The following RAB9A variants were observed in gnomAD, a reference collection of about 807,000 sequenced individuals.
The protein encoded by RAB9A is ras-related protein Rab-9A.
Under a neutral mutation model 10.3 loss-of-function variants are expected in RAB9A, and 1 was observed. The ratio of observed to expected loss-of-function variants is 0.10; its 90% CI spans 0.03 to 0.46. The LOEUF (loss-of-function observed/expected upper bound fraction) is 0.46, where lower values mean the gene tolerates loss of function less well. Ranked by LOEUF, RAB9A falls within the 20% of genes least tolerant of loss-of-function variation. The pLI is 0.96. For synonymous variants in RAB9A, 39 were observed against 55.2 expected (o/e 0.71, Z 1.30); for missense variants, 92 against 150.3 (o/e 0.61, Z 2.03).
At chrX:13,691,514 G>A (rs1028241716) in intron 1 of RAB9A, among the ~76,000 whole-genome samples, 2 of 109,712 alleles carry the variant, frequency 1.8e-5, no homozygotes, top group African/African-American at 3.3e-5. Context: ...ACAAAAATTA[G>A]CCAGGCGTGG....
intron 1 of RAB9A, among the ~76,000 whole-genome samples, chrX:13,690,354 A>G (rs771488675): frequency 7.4e-4 from 83 of 112,432 alleles, no homozygotes; most frequent in African/African-American, 2.5e-3. Flanking sequence ...TAAATCTAAG[A>G]CAATGCTGTG....
intron 1 of RAB9A, among the ~76,000 whole-genome samples, chrX:13,691,153 G>GC (rs60021810): frequency 2.7e-5 from 3 of 111,211 alleles, no homozygotes; most frequent in African/African-American, 9.8e-5. Context: ...CTACAGGACA[G>GC]CCCCCCACAA....
At position 13,701,252 on chromosome X, in the gene RAB9A, A is replaced by G. The variant is rs781504879; in HGVS notation, c.-115-2562A>G. ...CCCCCCGCCCCATCCGTTGACAACC[A>G]TGAATCTACCATCTCCATATTTGCC... On this transcript the variant is annotated intron_variant, in intron 1 of 2. Coordinates refer to ENST00000464506, the MANE Select transcript of RAB9A (RefSeq NM_004251.5). 3.8e-4 allele frequency among the ~76,000 whole-genome samples: 41 copies of G among 107,486 alleles called. 1 individual carries two copies. Among genetic ancestry groups the G allele is most frequent in the African/African-American group, 1.4e-3 (40 of 29,234 alleles). The allele number at this position is 107,486 out of a possible 115,157, so 93.3% of individuals were successfully genotyped here.
chrX:13,700,246 G>C (rs1168396612), intron 1 of RAB9A, among the ~76,000 whole-genome samples: 1 of 111,732 alleles, frequency 8.9e-6, no homozygotes, highest in Non-Finnish European at 1.9e-5. Flanking sequence ...CACCGTGCGT[G>C]GCCAGCAGAT....
chrX:13,693,174 A>G (rs867829475), intron 1 of RAB9A, among the ~76,000 whole-genome samples: 9 of 51,414 alleles, frequency 1.8e-4, no homozygotes, highest in Admixed American at 7.7e-4. Flanking sequence ...TGCCCAGGCA[A>G]TGTGTTAAGC....
At chrX:13,705,447 A>G (rs2046193207) in intron 2 of RAB9A, among the ~76,000 whole-genome samples, 1 of 111,987 alleles carries the variant, frequency 8.9e-6, no homozygotes, top group African/African-American at 3.2e-5. Context: ...GAATGAGACA[A>G]ACTAAGAAGT....
At chrX:13,690,505 A>G (rs1193239505) in intron 1 of RAB9A, among the ~76,000 whole-genome samples, 1 of 111,840 alleles carries the variant, frequency 8.9e-6, no homozygotes, top group Non-Finnish European at 1.9e-5. Flanking sequence ...ATAGGCAAAC[A>G]CTAAGTAGAA....
Position 13,704,159 on chromosome X carries a change from G to A in RAB9A, c.-27+257G>A, listed in dbSNP as rs186438732. Among the ~76,000 whole-genome samples, 396 of 111,565 alleles carry A rather than the reference G, an allele frequency of 3.5e-3. 3 individuals carry two copies. The highest frequency in any genetic ancestry group is 0.012 in the African/African-American group (377 of 30,724). On this transcript the variant is annotated intron_variant, in intron 2 of 2. Coordinates refer to ENST00000464506, the MANE Select transcript of RAB9A (RefSeq NM_004251.5). ...ATGGCCCTTTTCTGTCTTCCCTTTTGTGTTATCTTTATTTTATTCTCTGGA... is the reference window on the plus strand; with the variant it reads ...ATGGCCCTTTTCTGTCTTCCCTTTTATGTTATCTTTATTTTATTCTCTGGA...
intron 1 of RAB9A, among the ~76,000 whole-genome samples, chrX:13,689,677 C>G (rs934436782): frequency 1.8e-5 from 2 of 111,776 alleles, no homozygotes; most frequent in Non-Finnish European, 3.8e-5. Flanking sequence ...ATCCTACACC[C>G]GAATGATTAA....
At position 13,704,992 on chromosome X, in the gene RAB9A, A is replaced by G. The variant is rs142625617; in HGVS notation, c.-27+1090A>G. ...ACCTTGGTGAAAATTGCCTTTGGAC[A>G]GTCATTTTAAACTGTGAAGTATAAG... is the stretch of plus-strand genomic sequence containing the variant. On this transcript the variant is annotated intron_variant, in intron 2 of 2. Transcript: ENST00000464506. Among the ~76,000 whole-genome samples the G allele has an allele frequency of 6.4e-3, 716 of 112,324 alleles. 4 individuals carry two copies. Among genetic ancestry groups the G allele is most frequent in the African/African-American group, 0.022 (677 of 30,910 alleles).
At chrX:13,702,323 G>A (rs182098480) in intron 1 of RAB9A, among the ~76,000 whole-genome samples, 2 of 110,967 alleles carry the variant, frequency 1.8e-5, no homozygotes, top group South Asian at 3.8e-4. Context: ...ACTTCCCCTG[G>A]GTCAAATCTC....
intron 1 of RAB9A, among the ~76,000 whole-genome samples, chrX:13,693,610 T>C (rs1259520069): frequency 1.8e-5 from 2 of 112,237 alleles, no homozygotes; most frequent in Admixed American, 1.9e-4. Context: ...AGCTGTGTGC[T>C]CTGGGTATTT....
chrX:13,691,166 G>GAGTT (rs2046120830), intron 1 of RAB9A, among the ~76,000 whole-genome samples: 1 of 111,623 alleles, frequency 9.0e-6, no homozygotes, highest in South Asian at 3.8e-4. Flanking sequence ...CCCCACAACA[G>GAGTT]AGTTGTCTAG....
At chrX:13,695,713 A>G (rs890414002) in intron 1 of RAB9A, among the ~76,000 whole-genome samples, 1 of 112,235 alleles carries the variant, frequency 8.9e-6, no homozygotes, top group African/African-American at 3.2e-5. Context: ...TGAACATACT[A>G]TACAAGGGGT....
intron 1 of RAB9A, among the ~76,000 whole-genome samples, chrX:13,692,769 G>C (rs2046131598): frequency 8.9e-6 from 1 of 111,924 alleles, no homozygotes; most frequent in African/African-American, 3.3e-5. Context: ...ATCACTGAGT[G>C]TTATTCACGC....
chrX:13,689,212 C>G lies in RAB9A; in HGVS notation c.-192C>G, dbSNP rs943987644. ...CGGCTGCCTCCTGCTGTGCAGGTCC[C>G]CGACCCTCTCTCTGTCCTCATTGCG... On this transcript the variant is annotated 5_prime_UTR_variant, in exon 1 of 3. Transcript: ENST00000464506. The G allele has an allele frequency of 6.2e-5, 7 of 113,364 alleles. No homozygotes were observed. Among genetic ancestry groups the G allele is most frequent in the Non-Finnish European group, 1.3e-4 (7 of 53,327 alleles). The allele number at this position is 113,364 out of a possible 1,213,427, so 9.3% of individuals were successfully genotyped here.
At chrX:13,700,769 T>TA (rs2046169483) in intron 1 of RAB9A, among the ~76,000 whole-genome samples, 3 of 110,951 alleles carry the variant, frequency 2.7e-5, no homozygotes, top group Admixed American at 1.9e-4. Flanking sequence ...TCACATACAG[T>TA]AAAAATTTTT....
intron 1 of RAB9A, among the ~76,000 whole-genome samples, chrX:13,698,181 CTTTTTTTTCTTTTTTTTT>C (rs1490316015): frequency 3.4e-4 from 26 of 76,774 alleles, no homozygotes; most frequent in Admixed American, 4.3e-4. Flanking sequence ...TCTTCTTTTT[CTTTTTTTTCTTTTTTTTT>C]TTTTTTTTTT....
chrX:13,707,588 G>C (rs1047645775), intron 2 of RAB9A, among the ~76,000 whole-genome samples: 1 of 111,789 alleles, frequency 8.9e-6, no homozygotes, highest in Non-Finnish European at 1.9e-5. Flanking sequence ...GCTGGCTCTT[G>C]TAGTGTAGTA....
Sources: gnomAD v4.1 joint callset for allele counts (sites outside exome capture counted in the v4.1 genomes callset) on GRCh38, gnomAD v4.1.1 for gene constraint, MANE v1.5 for transcripts, NCBI Gene and HGNC (gene_info 2026-07-23, HGNC 2026-07-21) for gene names.